Variants in SYT7 observed in about 807,000 individuals in gnomAD.
SYT7 encodes synaptotagmin 7.
A neutral mutation model predicts 75.1 loss-of-function variants in SYT7; 29 were observed. The ratio of observed to expected loss-of-function variants is 0.39; its 90% CI spans 0.29 to 0.53. The LOEUF (loss-of-function observed/expected upper bound fraction) is 0.53, where lower values mean the gene tolerates loss of function less well. Among genes scored for constraint, SYT7 ranks in the 20% least tolerant of loss-of-function variants. The pLI, the probability that SYT7 is intolerant of heterozygous loss-of-function variation, is 0.77. For missense variants in SYT7, 693 were observed against 953.2 expected (o/e 0.73, Z 3.59); for synonymous variants, 376 against 401.7 (o/e 0.94, Z 0.76).
chr11:61,565,626 C>T (rs1006260455), intron 1 of SYT7, among the ~76,000 whole-genome samples: 2 of 152,228 alleles, frequency 1.3e-5, no homozygotes, highest in African/African-American at 2.4e-5. Flanking sequence ...AGGGAGAACA[C>T]CCAGCACCTA....
At chr11:61,572,413 C>A (rs1179377517) in intron 1 of SYT7, among the ~76,000 whole-genome samples, 1 of 152,172 alleles carries the variant, frequency 6.6e-6, no homozygotes. Context: ...GGCTGAGAGA[C>A]GGGCTGGCTT....
intron 1 of SYT7, among the ~76,000 whole-genome samples, chr11:61,565,037 G>C (rs571284932): frequency 5.2e-4 from 79 of 152,310 alleles, no homozygotes; most frequent in African/African-American, 1.9e-3. Flanking sequence ...AGATAAAGCA[G>C]AGTGCTGCTG....
In SYT7 at chr11:61,580,732, G is replaced by A. The variant is rs1565216140; in HGVS notation, c.31+58C>T. Reference sequence around the variant, plus strand: ...CTGGGGCTCCGAGACGGCGTCCGGCGCTGCCGCTGTCCTGCCCGCCGGTGC... The same window carrying A: ...CTGGGGCTCCGAGACGGCGTCCGGCACTGCCGCTGTCCTGCCCGCCGGTGC... On this transcript the variant is annotated intron_variant, in intron 1 of 12. Coordinates refer to ENST00000539008, the MANE Select transcript of SYT7 (RefSeq NM_001365809.2). The surrounding 1 kb of genome is among the most constrained non-coding windows in gnomAD (Gnocchi z 6.1). 8.8e-7 allele frequency: 1 copy of A among 1,139,346 alleles called. No homozygotes were observed. The allele number at this position is 1,139,346 out of a possible 1,614,324, so 70.6% of individuals were successfully genotyped here.
In SYT7 at chr11:61,565,076, C is replaced by T. The variant is rs115037109; in HGVS notation, c.32-8869G>A. On this transcript the variant is annotated intron_variant, in intron 1 of 12. Coordinates refer to ENST00000539008, the MANE Select transcript of SYT7 (RefSeq NM_001365809.2). ...GTGGTTGGGGCTACATCTGCCAGCA[C>T]GTCCCCATCCTGAGCTTGCCTCCTC... is the stretch of plus-strand genomic sequence containing the variant. Among the ~76,000 whole-genome samples the T allele has an allele frequency of 6.2e-3, 941 of 152,256 alleles. 7 individuals carry two copies. The highest frequency in any genetic ancestry group is 0.021 in the African/African-American group (873 of 41,536).
chr11:61,575,437 C>A (rs2064044333), intron 1 of SYT7, among the ~76,000 whole-genome samples: 1 of 152,198 alleles, frequency 6.6e-6, no homozygotes, highest in Admixed American at 6.5e-5. Flanking sequence ...GACCTAGTCA[C>A]AAACACACAG....
At chr11:61,579,271 ACTC>A (rs2064171272) in intron 1 of SYT7, among the ~76,000 whole-genome samples, 2 of 152,054 alleles carry the variant, frequency 1.3e-5, no homozygotes, top group South Asian at 4.1e-4. Context: ...GCAAGAGAAT[ACTC>A]CTGCCACGGG....
At chr11:61,571,864 A>G (rs1340512162) in intron 1 of SYT7, among the ~76,000 whole-genome samples, 1 of 152,058 alleles carries the variant, frequency 6.6e-6, no homozygotes, top group Non-Finnish European at 1.5e-5. Context: ...ATTGCCAGGT[A>G]TGGGGTCAGA....
chr11:61,571,147 C>T (rs1265146174), intron 1 of SYT7, among the ~76,000 whole-genome samples: 2 of 152,222 alleles, frequency 1.3e-5, no homozygotes, highest in African/African-American at 2.4e-5. Flanking sequence ...CACCACTCTG[C>T]ATTCTTTCCC....
chr11:61,583,528 G>A (rs1026933306), upstream of SYT7, among the ~76,000 whole-genome samples: 11 of 152,314 alleles, frequency 7.2e-5, no homozygotes, highest in Admixed American at 6.5e-4. Context: ...TAAAGGCCCC[G>A]GAGCCAGCAC....
At chr11:61,521,094 G>C (rs953532273) in intron 12 of SYT7, among the ~76,000 whole-genome samples, 3 of 152,196 alleles carry the variant, frequency 2.0e-5, no homozygotes, top group Admixed American at 6.5e-5. Flanking sequence ...GCCACTGTGG[G>C]CCTGCCCTGC....
rs1430335873 is a variant in SYT7 at position 61,516,060 on chromosome 11, G to A, written c.*2567C>T. On this transcript the variant is annotated 3_prime_UTR_variant, in exon 13 of 13. Transcript: ENST00000539008. This position sits in a 1 kb window ranked among gnomAD's most constrained non-coding sequence, Gnocchi z 4.6. Reference sequence around the variant, plus strand: ...ACAGATGGGGAAACCGAGGCCCAGGGAGTGCGGGTGACTTGCCCAAAGTCC... The same window carrying A: ...ACAGATGGGGAAACCGAGGCCCAGGAAGTGCGGGTGACTTGCCCAAAGTCC... 6.6e-6 allele frequency: 1 copy of A among 152,544 alleles called. No homozygotes were observed. The highest frequency in any genetic ancestry group is 1.5e-5 in the Non-Finnish European group (1 of 68,078). The allele number at this position is 152,544 out of a possible 1,614,324, so 9.4% of individuals were successfully genotyped here.
intron 1 of SYT7, among the ~76,000 whole-genome samples, chr11:61,568,204 G>A (rs1223088853): frequency 6.6e-6 from 1 of 152,036 alleles, no homozygotes; most frequent in African/African-American, 2.4e-5. Flanking sequence ...CCTACAGGTG[G>A]GGCTCTTTGA....
Position 61,551,271 on chromosome 11 carries a change from T to G in SYT7, c.215+113A>C. The G allele has an allele frequency of 1.0e-6, 1 of 991,654 alleles. No homozygotes were observed. 61.4% of individuals were successfully genotyped at this position (991,654 alleles called of 1,614,324 possible). A position where few individuals can be genotyped will look rare whatever the true frequency, so the allele number is the denominator to read the frequency against. Reference sequence around the variant, plus strand: ...GGGTGTAGAGAGCATGGCATCGGGGTGTGGGGGAAGTGAAAGTGTGTGGTC... The same window carrying G: ...GGGTGTAGAGAGCATGGCATCGGGGGGTGGGGGAAGTGAAAGTGTGTGGTC... On this transcript the variant is annotated intron_variant, in intron 3 of 12. Coordinates refer to ENST00000539008, the MANE Select transcript of SYT7 (RefSeq NM_001365809.2). This position sits in a 1 kb window ranked among gnomAD's most constrained non-coding sequence, Gnocchi z 5.3.
Position 61,524,347 on chromosome 11 carries a change from A to G in SYT7, c.1641+16T>C. 1 of 1,613,384 alleles carries G rather than the reference A, an allele frequency of 6.2e-7. No homozygotes were observed. Among genetic ancestry groups the G allele is most frequent in the South Asian group, 1.1e-5 (1 of 91,008 alleles). On this transcript the variant is annotated intron_variant, in intron 10 of 12. Transcript: ENST00000539008. This position sits in a 1 kb window ranked among gnomAD's most constrained non-coding sequence, Gnocchi z 4.1. ...CCTGCTGCCTGTCCAGCTAAGACCC[A>G]CCCATGGGGCCTTACACTCCCATCG...
intron 1 of SYT7, among the ~76,000 whole-genome samples, chr11:61,557,419 C>T (rs1346078097): frequency 1.3e-5 from 2 of 152,200 alleles, no homozygotes; most frequent in African/African-American, 4.8e-5. Context: ...GTCTCTCTTG[C>T]TTGGCCATGG....
rs975605382 is a variant in SYT7, at chr11:61,518,442, G to A, written c.*185C>T. 3 of 455,390 alleles carry A rather than the reference G, an allele frequency of 6.6e-6. No individual in the cohort carries two copies. Among genetic ancestry groups the A allele is most frequent in the East Asian group, 3.4e-5 (1 of 29,522 alleles). 28.2% of individuals were successfully genotyped at this position (455,390 alleles called of 1,614,324 possible). ...AGAGCCCCTTCCCCGGAGCTGGACT[G>A]TGGGGGATGGGGCTGGTACTTCCTA... On this transcript the variant is annotated 3_prime_UTR_variant, in exon 13 of 13. Coordinates refer to ENST00000539008, the MANE Select transcript of SYT7 (RefSeq NM_001365809.2).
intron 3 of SYT7, among the ~76,000 whole-genome samples, chr11:61,548,107 CT>C (rs2063244429): frequency 6.6e-6 from 1 of 152,276 alleles, no homozygotes; most frequent in Non-Finnish European, 1.5e-5. Flanking sequence ...AATGTGGCAG[CT>C]GGGTCACCCC....
Position 61,542,072 on chromosome 11 carries a change from G to T in SYT7, c.941+139C>A. The T allele has an allele frequency of 8.5e-7, 1 of 1,175,034 alleles. No homozygotes were observed. The highest frequency in any genetic ancestry group is 1.1e-6 in the Non-Finnish European group (1 of 869,890). 72.8% of individuals were successfully genotyped at this position (1,175,034 alleles called of 1,614,324 possible). A position where few individuals can be genotyped will look rare whatever the true frequency, so the allele number is the denominator to read the frequency against. ...GGAGCCACAAGAGGCTAAGGAGGGG[G>T]CTGCCAAGTCTGCTTGGCACCCTGC... On this transcript the variant is annotated intron_variant, in intron 6 of 12. Transcript: ENST00000539008. The surrounding 1 kb of genome is among the most constrained non-coding windows in gnomAD (Gnocchi z 7.8).
At chr11:61,578,059 G>A (rs2064134098) in intron 1 of SYT7, among the ~76,000 whole-genome samples, 1 of 152,224 alleles carries the variant, frequency 6.6e-6, no homozygotes, top group Non-Finnish European at 1.5e-5. Flanking sequence ...AAGGGAGGCT[G>A]CAGGTCTGGT....
Sources: gnomAD v4.1 joint callset for allele counts (sites outside exome capture counted in the v4.1 genomes callset) on GRCh38, gnomAD v4.1.1 for gene constraint, Gnocchi (gnomAD v3.1) non-coding constraint, MANE v1.5 for transcripts, NCBI Gene and HGNC (gene_info 2026-07-23, HGNC 2026-07-21) for gene names.